Variants in RRAS2 observed in about 807,000 individuals in gnomAD.
The protein encoded by RRAS2 is ras-related protein R-Ras2.
Under a neutral mutation model 27.6 loss-of-function variants are expected in RRAS2, and 7 were observed. The observed-to-expected ratio is 0.25, with a 90% CI of 0.14 to 0.48. The LOEUF is 0.48. Ranked by LOEUF, RRAS2 falls within the 20% of genes least tolerant of loss-of-function variation. RRAS2 has a pLI of 0.99. For missense variants in RRAS2, 178 were observed against 256.2 expected, an observed-to-expected ratio of 0.69 and a Z score of 2.08; for synonymous variants, 86 against 90.9, an observed-to-expected ratio of 0.95 and a Z score of 0.31.
At chr11:14,303,028 C>G (rs782123654) in intron 1 of RRAS2, among the ~76,000 whole-genome samples, 3 of 152,196 alleles carry the variant, frequency 2.0e-5, no homozygotes, top group Non-Finnish European at 2.9e-5. Context: ...ACAGATGACA[C>G]ACAGTAGGCC....
At chr11:14,281,066 A>G (rs1849520934) in intron 5 of RRAS2, among the ~76,000 whole-genome samples, 1 of 152,198 alleles carries the variant, frequency 6.6e-6, no homozygotes, top group East Asian at 1.9e-4. Context: ...TTTAATCTCT[A>G]CTACCTGGTT....
intron 1 of RRAS2, among the ~76,000 whole-genome samples, chr11:14,329,711 A>G (rs1489538923): frequency 1.3e-5 from 2 of 152,188 alleles, no homozygotes; most frequent in East Asian, 1.9e-4. Context: ...AGAAATCAAC[A>G]AAGACTTAAA....
Position 14,358,297 on chromosome 11 carries a change from C to T in RRAS2, c.108+466G>A. ...CCGGCTCAGGCGGCGCGGGGAAGCC[C>T]GGAGACCACGCGGAGCCGCGGCCAA... is the stretch of plus-strand genomic sequence containing the variant. On this transcript the variant is annotated intron_variant, in intron 1 of 5. Coordinates refer to ENST00000256196, the MANE Select transcript of RRAS2 (RefSeq NM_012250.6). The surrounding 1 kb of genome is among the most constrained non-coding windows in gnomAD (Gnocchi z 5.1). 1 of 985,490 alleles carries T rather than the reference C, an allele frequency of 1.0e-6. No individual in the cohort carries two copies. Among genetic ancestry groups the T allele is most frequent in the Non-Finnish European group, 1.2e-6 (1 of 829,958 alleles). 61.0% of individuals were successfully genotyped at this position (985,490 alleles called of 1,614,324 possible).
Position 14,352,575 on chromosome 11 carries a change from C to T in RRAS2, c.108+6188G>A, listed in dbSNP as rs1486410951. 3.9e-5 allele frequency among the ~76,000 whole-genome samples: 6 copies of T among 152,134 alleles called. 1 individual carries two copies. The Middle Eastern group carries it at 0.01, about 259-fold the overall frequency. On this transcript the variant is annotated intron_variant, in intron 1 of 5. Coordinates refer to ENST00000256196, the MANE Select transcript of RRAS2 (RefSeq NM_012250.6). ...GACTATTAACTCCATACTGTCTACA[C>T]GCAAAGTGAAAATCCTTTACTCATT...
chr11:14,313,927 T>G (rs781965527), intron 1 of RRAS2, among the ~76,000 whole-genome samples: 18 of 152,226 alleles, frequency 1.2e-4, no homozygotes, highest in Non-Finnish European at 2.1e-4. Context: ...TTGTTTACAA[T>G]GCAGTAAGTC....
chr11:14,357,015 T>C (rs1197623813), intron 1 of RRAS2, among the ~76,000 whole-genome samples: 4 of 152,044 alleles, frequency 2.6e-5, no homozygotes, highest in Admixed American at 2.6e-4. Context: ...CTGGAACTCC[T>C]GACCTCGTGA....
intron 1 of RRAS2, among the ~76,000 whole-genome samples, chr11:14,299,535 T>A (rs1352307104): frequency 6.6e-6 from 1 of 152,204 alleles, no homozygotes; most frequent in South Asian, 2.1e-4. Flanking sequence ...CCCTCCAGGT[T>A]TTATGTAGTA....
At chr11:14,361,425 A>C (rs577700134), upstream of RRAS2, among the ~76,000 whole-genome samples, 6 of 152,316 alleles carry the variant, frequency 3.9e-5, 1 homozygote, top group South Asian at 1.2e-3. Context: ...GCACTTTGGG[A>C]GGCCAAGGCA....
At chr11:14,291,598 G>A (rs1453315406) in intron 4 of RRAS2, among the ~76,000 whole-genome samples, 12 of 151,460 alleles carry the variant, frequency 7.9e-5, no homozygotes, top group African/African-American at 2.4e-4. Flanking sequence ...CTAACACTAC[G>A]TATCTTTAGG....
At chr11:14,292,438 A>G (rs1005899897) in intron 4 of RRAS2, among the ~76,000 whole-genome samples, 2 of 152,154 alleles carry the variant, frequency 1.3e-5, no homozygotes, top group Non-Finnish European at 2.9e-5. Context: ...CCTTCAATGC[A>G]CATCTACTTT....
intron 1 of RRAS2, among the ~76,000 whole-genome samples, chr11:14,329,001 GTGTGTGTGTGTATA>G (rs1351927895): frequency 3.1e-4 from 17 of 55,354 alleles, no homozygotes; most frequent in African/African-American, 4.2e-4. Context: ...GTGTGTGTGT[GTGTGTGTGTGTATA>G]TATATATATA....
At chr11:14,346,733 C>G (rs1463308075) in intron 1 of RRAS2, among the ~76,000 whole-genome samples, 1 of 152,154 alleles carries the variant, frequency 6.6e-6, no homozygotes, top group Non-Finnish European at 1.5e-5. Flanking sequence ...GTTACATGTT[C>G]TCACCACAAA....
Position 14,291,048 on chromosome 11 carries a change from A to T in RRAS2, c.408+3423T>A, listed in dbSNP as rs1215309379. Reference sequence around the variant, plus strand: ...TCTGGTGGAGAAGTTGATCATAGACAGATGAACAGTTTATCCATGTAAGTG... The same window carrying T: ...TCTGGTGGAGAAGTTGATCATAGACTGATGAACAGTTTATCCATGTAAGTG... On this transcript the variant is annotated intron_variant, in intron 4 of 5. Coordinates refer to ENST00000256196, the MANE Select transcript of RRAS2 (RefSeq NM_012250.6). 2.0e-5 allele frequency among the ~76,000 whole-genome samples: 3 copies of T among 152,224 alleles called. No individual in the cohort carries two copies. The South Asian group carries it at 6.2e-4, about 32-fold the overall frequency.
chr11:14,357,857 T>C (rs1564986946), intron 1 of RRAS2, among the ~76,000 whole-genome samples: 1 of 152,178 alleles, frequency 6.6e-6, no homozygotes, highest in African/African-American at 2.4e-5. Flanking sequence ...CATCGGGGCT[T>C]TGTGTTTTAA....
In RRAS2 at chr11:14,306,816, T is replaced by C. The variant is rs542700068; in HGVS notation, c.109-10961A>G. ...CCCTAGCATAGTTCACTTGTCCCAG[T>C]ATGTGAATTTACCCTTTTTCATCAA... On this transcript the variant is annotated intron_variant, in intron 1 of 5. Coordinates refer to ENST00000256196, the MANE Select transcript of RRAS2 (RefSeq NM_012250.6). 1.3e-4 allele frequency among the ~76,000 whole-genome samples: 19 copies of C among 151,396 alleles called. No individual in the cohort carries two copies. The South Asian group carries it at 4.0e-3, about 32-fold the overall frequency.
chr11:14,305,300 T>C (rs555995525), intron 1 of RRAS2, among the ~76,000 whole-genome samples: 1 of 152,284 alleles, frequency 6.6e-6, no homozygotes, highest in African/African-American at 2.4e-5. Flanking sequence ...TATTTGGAGT[T>C]TTTTCCTAAA....
intron 4 of RRAS2, among the ~76,000 whole-genome samples, chr11:14,282,627 C>T (rs1554944496): frequency 6.7e-6 from 1 of 149,408 alleles, no homozygotes; most frequent in East Asian, 2.0e-4. Flanking sequence ...AAGTAAACAC[C>T]TGATGAAAAA....
At chr11:14,324,013 T>G (rs11023187) in intron 1 of RRAS2, among the ~76,000 whole-genome samples, 44,717 of 151,170 alleles carry the variant, frequency 0.3, 7,602 homozygotes, top group South Asian at 0.43. Flanking sequence ...ACAACACTTT[T>G]TACAGTGAAA....
chr11:14,358,565 C>T lies in RRAS2; in HGVS notation c.108+198G>A, dbSNP rs1285304350. ...GAGAAGCCCTACTCCCGCGACGCCGCGCCCGGGAGGAGGCAGGAGCGCGAC... is the reference window on the plus strand; with the variant it reads ...GAGAAGCCCTACTCCCGCGACGCCGTGCCCGGGAGGAGGCAGGAGCGCGAC... On this transcript the variant is annotated intron_variant, in intron 1 of 5. Transcript: ENST00000256196. The surrounding 1 kb of genome is among the most constrained non-coding windows in gnomAD (Gnocchi z 5.1). The T allele has an allele frequency of 1.1e-5, 11 of 986,490 alleles. No individual in the cohort carries two copies. The highest frequency in any genetic ancestry group is 2.4e-6 in the Non-Finnish European group (2 of 830,966). The allele number at this position is 986,490 out of a possible 1,614,324, so 61.1% of individuals were successfully genotyped here.
Sources: gnomAD v4.1 joint callset for allele counts (sites outside exome capture counted in the v4.1 genomes callset) on GRCh38, gnomAD v4.1.1 for gene constraint, Gnocchi (gnomAD v3.1) non-coding constraint, MANE v1.5 for transcripts, NCBI Gene and HGNC (gene_info 2026-07-23, HGNC 2026-07-21) for gene names.